Variants in CALD1 observed in about 807,000 individuals in gnomAD.
CALD1 encodes the protein caldesmon 1, also known as caldesmon.
In CALD1, 33 loss-of-function variants were observed where a neutral mutation model predicts 99.9. The observed-to-expected ratio is 0.33, with a 90% CI of 0.25 to 0.44. CALD1 has a LOEUF of 0.44. Among genes scored for constraint, CALD1 ranks in the 20% least tolerant of loss-of-function variants. The pLI, the probability that CALD1 is intolerant of heterozygous loss-of-function variation, is 1.00. For missense variants in CALD1, 861 were observed against 962.1 expected, an observed-to-expected ratio of 0.89 and a Z score of 1.39; for synonymous variants, 310 against 325.0, an observed-to-expected ratio of 0.95 and a Z score of 0.50.
In CALD1 at chr7:134,770,458, C is replaced by T. The variant is rs528699007; in HGVS notation, c.-130+26095C>T. On this transcript the variant is annotated intron_variant, in intron 1 of 13. Transcript: ENST00000417172. ...TGGGGCCCTGAGGGAGACTGCACCC[C>T]ACGCCTCCCTTCCAGCTTCTAGGGG... Among the ~76,000 whole-genome samples the T allele has an allele frequency of 3.3e-5, 5 of 152,280 alleles. No individual in the cohort carries two copies. In the East Asian group the frequency reaches 9.7e-4, roughly 29 times the overall value.
At chr7:134,906,319 G>T (rs1458199933) in intron 3 of CALD1, among the ~76,000 whole-genome samples, 1 of 152,208 alleles carries the variant, frequency 6.6e-6, no homozygotes, top group Non-Finnish European at 1.5e-5. Flanking sequence ...TTGCTGTCGT[G>T]TAAAGAGCCC....
intron 1 of CALD1, among the ~76,000 whole-genome samples, chr7:134,812,328 G>C (rs1484583386): frequency 6.6e-6 from 1 of 152,068 alleles, no homozygotes; most frequent in Non-Finnish European, 1.5e-5. Flanking sequence ...GAAGAATGTG[G>C]TTCGAGTTCT....
At chr7:134,786,593 T>A (rs2131720449) in intron 1 of CALD1, among the ~76,000 whole-genome samples, 1 of 152,330 alleles carries the variant, frequency 6.6e-6, no homozygotes, top group African/African-American at 2.4e-5. Flanking sequence ...GACAGGAACC[T>A]CTATTTTTTT....
Position 134,933,428 on chromosome 7 carries a change from A to G in CALD1, c.659A>G (p.Gln220Arg). 6.2e-7 allele frequency: 1 copy of G among 1,613,776 alleles called. No homozygotes were observed. The highest frequency in any genetic ancestry group is 2.2e-5 in the East Asian group (1 of 44,860). ...VMVEEKTTES[Q>R]EETVVMSLKN... ...GTGGAAGAGAAAACAACTGAAAGCCAGGAGGAAACAGTGGTAATGTCATTA... is the reference window on the plus strand; with the variant it reads ...GTGGAAGAGAAAACAACTGAAAGCCGGGAGGAAACAGTGGTAATGTCATTA... Residue 220 changes from glutamine to arginine, a missense_variant, in exon 5 of 15, where the codon CAG becomes CGG. Gln to Arg is a conservative substitution (Grantham distance 43). Around this residue, in one of 5 missense-constraint regions of CALD1, gnomAD observed 234 missense variants for 233.1 expected, o/e 1.00. Transcript: ENST00000361675.
At chr7:134,864,968 C>T (rs1333220670) in intron 2 of CALD1, among the ~76,000 whole-genome samples, 7 of 152,134 alleles carry the variant, frequency 4.6e-5, no homozygotes, top group Non-Finnish European at 8.8e-5. Context: ...CTGTCACTAA[C>T]ATCAATACTT....
intron 7 of CALD1, chr7:134,944,687 A>C (rs1806722446): frequency 6.6e-6 from 1 of 152,150 alleles, no homozygotes; most frequent in Admixed American, 6.6e-5. Context: ...CCTTAGACAA[A>C]AGTGTCAGGA....
chr7:134,789,129 T>C (rs1285766420), intron 1 of CALD1, among the ~76,000 whole-genome samples: 1 of 151,642 alleles, frequency 6.6e-6, no homozygotes, highest in Non-Finnish European at 1.5e-5. Flanking sequence ...AATTGTATCA[T>C]TGTTCAGTGT....
chr7:134,715,926 G>A, the CALD1 span, among the ~76,000 whole-genome samples: 3 of 152,070 alleles, frequency 2.0e-5, no homozygotes, highest in Non-Finnish European at 2.9e-5. Flanking sequence ...ATAGTTTTAC[G>A]ATGCCTGCCA....
intron 3 of CALD1, chr7:134,920,522 G>A (rs946527138): frequency 1.0e-5 from 12 of 1,182,178 alleles, no homozygotes; most frequent in Admixed American, 9.8e-5. Context: ...TTTGGGGTGT[G>A]GCCTTCATGG....
intron 2 of CALD1, among the ~76,000 whole-genome samples, chr7:134,857,321 C>T (rs1800356700): frequency 6.6e-6 from 1 of 151,876 alleles, no homozygotes; most frequent in Non-Finnish European, 1.5e-5. Flanking sequence ...AGATGCCCGC[C>T]ACCACGCCCG....
chr7:134,962,459 C>T (rs1808349789), intron 13 of CALD1: 1 of 173,564 alleles, frequency 5.8e-6, no homozygotes, highest in African/African-American at 2.4e-5. Flanking sequence ...TGCTAGATCA[C>T]CCCCTAGAGG....
In CALD1 at chr7:134,761,450, T is replaced by TA. The variant is rs572111543; in HGVS notation, c.-130+17095dup. ...AATTTGCAGTCGATTAATTTAAAGT[T>TA]AAAAAAAATAAAACTGGCAGTCAGG... is the stretch of plus-strand genomic sequence containing the variant. On this transcript the variant is annotated intron_variant, in intron 1 of 13. Transcript: ENST00000417172. Among the ~76,000 whole-genome samples the TA allele has an allele frequency of 2.5e-4, 33 of 133,588 alleles. No individual in the cohort carries two copies. The South Asian group carries it at 5.3e-3, about 21-fold the overall frequency. The allele number at this position is 133,588 out of a possible 152,430, so 87.6% of individuals were successfully genotyped here. A position where few individuals can be genotyped will look rare whatever the true frequency, so the allele number is the denominator to read the frequency against.
chr7:134,852,972 T>G (rs1800141592), intron 2 of CALD1, among the ~76,000 whole-genome samples: 1 of 152,196 alleles, frequency 6.6e-6, no homozygotes, highest in Non-Finnish European at 1.5e-5. Context: ...GCACCAGCAT[T>G]TGAAAATAAA....
At chr7:134,924,309 T>A (rs1038111425) in intron 3 of CALD1, among the ~76,000 whole-genome samples, 5 of 152,128 alleles carry the variant, frequency 3.3e-5, no homozygotes, top group Non-Finnish European at 7.4e-5. Flanking sequence ...TGTTTGGTTT[T>A]AAAAAAAATT....
At position 134,970,348 on chromosome 7, in the gene CALD1, G is replaced by A. The variant is rs1014903546; in HGVS notation, c.*2003G>A. 16 of 152,352 alleles carry A rather than the reference G, an allele frequency of 1.1e-4. No individual in the cohort carries two copies. The highest frequency in any genetic ancestry group is 3.9e-4 in the African/African-American group (16 of 41,468). 9.4% of individuals were successfully genotyped at this position (152,352 alleles called of 1,614,324 possible). A position where few individuals can be genotyped will look rare whatever the true frequency, so the allele number is the denominator to read the frequency against. ...TTTCTAGAAAATCTAAAGTTCAGAA[G>A]AGAATGTATCACTGCTGACTTTTAT... On this transcript the variant is annotated 3_prime_UTR_variant, in exon 15 of 15. Transcript: ENST00000361675.
At position 134,882,086 on chromosome 7, in the gene CALD1, TACTC is replaced by T. The variant is rs1373317150; in HGVS notation, c.71+14286_71+14289del. Among the ~76,000 whole-genome samples the T allele has an allele frequency of 5.9e-5, 9 of 152,362 alleles. No homozygotes were observed. The East Asian group carries it at 9.6e-4, about 16-fold the overall frequency. ...CAACCGTAGATCAGAAACTACATCT[TACTC>T]ACTTTTATTTCCCCAAGACCAGCAT... On this transcript the variant is annotated intron_variant, in intron 3 of 14. Coordinates refer to ENST00000361675, the MANE Select transcript of CALD1 (RefSeq NM_033138.4).
intron 3 of CALD1, among the ~76,000 whole-genome samples, chr7:134,880,384 G>T (rs924742150): frequency 6.6e-6 from 1 of 152,148 alleles, no homozygotes; most frequent in Admixed American, 6.5e-5. Context: ...TTCTGGAGGT[G>T]GGGGGAGACT....
At chr7:134,882,425 G>A (rs6951492) in intron 3 of CALD1, among the ~76,000 whole-genome samples, 17,233 of 152,134 alleles carry the variant, frequency 0.11, 1,877 homozygotes, top group African/African-American at 0.29. Context: ...GCATTGTGGA[G>A]GCAAATGATA....
At chr7:134,842,430 T>C (rs1799687771) in intron 1 of CALD1, among the ~76,000 whole-genome samples, 1 of 152,268 alleles carries the variant, frequency 6.6e-6, no homozygotes, top group African/African-American at 2.4e-5. Flanking sequence ...TTATTATTAT[T>C]ATTTCCATAA....
Sources: gnomAD v4.1 joint callset for allele counts (sites outside exome capture counted in the v4.1 genomes callset) on GRCh38, gnomAD v4.1.1 for gene constraint, gnomAD v4.1.1 regional missense constraint, MANE v1.5 for transcripts, NCBI Gene and HGNC (gene_info 2026-07-23, HGNC 2026-07-21) for gene names.